USP45: variants seen among roughly 807,000 people sequenced by gnomAD.
USP45 encodes the protein ubiquitin carboxyl-terminal hydrolase 45.
USP45 carries 89 observed loss-of-function variants against 95.8 expected under a neutral mutation model. That is an observed-to-expected ratio of 0.93 (90% CI 0.78 to 1.11). USP45 has a LOEUF of 1.11. Ranked by LOEUF, USP45 falls within the 50% of genes least tolerant of loss-of-function variation. The pLI, the probability that USP45 is intolerant of heterozygous loss-of-function variation, is 0.00. For missense variants in USP45, 898 were observed against 942.5 expected (o/e 0.95, Z 0.62); for synonymous variants, 281 against 316.2 (o/e 0.89, Z 1.18).
At chr6:99,516,172 C>T (rs1438802255), upstream of USP45, among the ~76,000 whole-genome samples, 4 of 152,008 alleles carry the variant, frequency 2.6e-5, no homozygotes, top group Non-Finnish European at 5.9e-5. Context: ...TGTTGTCTTA[C>T]CTATCCTTCT....
chr6:99,501,679 T>C, intron 5 of USP45: 1 of 166,080 alleles, frequency 6.0e-6, no homozygotes, highest in Admixed American at 6.1e-5. Flanking sequence ...ATACCTGGCA[T>C]GTGGGAAGCA....
intron 5 of USP45, 41 bp downstream of exon 5, chr6:99,503,724 T>C: frequency 1.5e-6 from 2 of 1,313,744 alleles, no homozygotes; most frequent in Non-Finnish European, 2.1e-6. Context: ...TATGAAATAC[T>C]GTATTTTAAC....
intron 8 of USP45, among the ~76,000 whole-genome samples, chr6:99,481,378 C>T (rs1382339529): frequency 6.6e-6 from 1 of 152,034 alleles, no homozygotes; most frequent in Non-Finnish European, 1.5e-5. Flanking sequence ...TATGAGTGCC[C>T]ATTATTTTAA....
At chr6:99,462,396 T>G (rs1028593287) in intron 13 of USP45, 4 of 984,080 alleles carry the variant, frequency 4.1e-6, no homozygotes, top group Middle Eastern at 5.2e-4. Flanking sequence ...CTTTGGCCAG[T>G]ACCACAGAAT....
In USP45 at chr6:99,434,119, AAAAC is replaced by A. The variant is rs571814822; in HGVS notation, c.*1593_*1596del. ...ATTATTTCACTGTTAAAAATCAAGA[AAAAC>A]ACTACTAACATTTCAACATCTTAAA... is the stretch of plus-strand genomic sequence containing the variant. On this transcript the variant is annotated 3_prime_UTR_variant, in exon 18 of 18. Transcript: ENST00000500704. The A allele has an allele frequency of 1.5e-3, 223 of 152,342 alleles. 1 individual carries two copies. Among genetic ancestry groups the A allele is most frequent in the Non-Finnish European group, 2.4e-3 (165 of 68,016 alleles). 9.4% of individuals were successfully genotyped at this position (152,342 alleles called of 1,614,324 possible).
chr6:99,487,556 G>A (rs139332905), intron 7 of USP45, among the ~76,000 whole-genome samples: 4,811 of 151,118 alleles, frequency 0.032, 247 homozygotes, highest in African/African-American at 0.11. Flanking sequence ...TTGGGAGGCC[G>A]AGGCGGGTGG....
intron 5 of USP45, among the ~76,000 whole-genome samples, chr6:99,499,764 C>T (rs973464393): frequency 1.3e-5 from 2 of 152,210 alleles, no homozygotes; most frequent in African/African-American, 4.8e-5. Context: ...TCATCTTCAC[C>T]TGCCCAAAGT....
chr6:99,481,374 T>C (rs1319354335), intron 8 of USP45, among the ~76,000 whole-genome samples: 1 of 152,190 alleles, frequency 6.6e-6, no homozygotes, highest in Non-Finnish European at 1.5e-5. Flanking sequence ...TATCTATGAG[T>C]GCCCATTATT....
At chr6:99,439,467 C>T (rs980334811) in intron 16 of USP45, among the ~76,000 whole-genome samples, 1 of 152,154 alleles carries the variant, frequency 6.6e-6, no homozygotes, top group Non-Finnish European at 1.5e-5. Context: ...AAGGAACAAT[C>T]GAGGACACAA....
Position 99,478,051 on chromosome 6 carries a change from G to A in USP45, c.846-1821C>T, listed in dbSNP as rs180774588. 8.0e-4 allele frequency among the ~76,000 whole-genome samples: 122 copies of A among 152,262 alleles called. 1 individual carries two copies. The East Asian group carries it at 0.022, about 27-fold the overall frequency. ...TCTTCACTAGCCAAGTGGTAGGTAG[G>A]AGGAGGGGGCAGTTTATGGCTTTCA... On this transcript the variant is annotated intron_variant, in intron 8 of 17. Transcript: ENST00000500704.
Position 99,488,680 on chromosome 6 carries a change from C to T in USP45, c.618+1G>A, listed in dbSNP as rs1264360961. 1 of 1,597,240 alleles carries T rather than the reference C, an allele frequency of 6.3e-7. No individual in the cohort carries two copies. The highest frequency in any genetic ancestry group is 1.1e-5 in the South Asian group (1 of 87,462). ...TTACAAAGCTTTCTGATGACTCTTA[C>T]CTGCATGACTGCATTAAAAAAGCAA... is the stretch of plus-strand genomic sequence containing the variant. On this transcript the variant is annotated splice_donor_variant, in intron 6 of 17. Coordinates refer to ENST00000500704, the MANE Select transcript of USP45 (RefSeq NM_001346022.3). LOFTEE classifies it high-confidence loss of function.
Position 99,435,812 on chromosome 6 carries a change from C to G in USP45, c.2349G>C (p.Gln783His), listed in dbSNP as rs768428664. Reference protein sequence around the residue: ...LKAADNESAGQWVHVSDTYLQ... With the variant: ...LKAADNESAGHWVHVSDTYLQ... ...AGTAAGTGTCACTAACATGGACCCA[C>G]TGGCCTGCTGATTCATTATCAGCCG... The change falls in exon 18 of 18, where the codon CAG (glutamine) becomes CAC (histidine). Residue 783 changes from glutamine to histidine, a missense_variant. Gln to His is a conservative substitution (Grantham distance 24). Coordinates refer to ENST00000500704, the MANE Select transcript of USP45 (RefSeq NM_001346022.3). 1.2e-5 allele frequency: 19 copies of G among 1,613,270 alleles called. No individual in the cohort carries two copies. The highest frequency in any genetic ancestry group is 1.6e-5 in the Non-Finnish European group (19 of 1,179,674).
At chr6:99,468,339 C>A (rs1373376581) in intron 10 of USP45, among the ~76,000 whole-genome samples, 198 bp downstream of exon 10, 1 of 152,016 alleles carries the variant, frequency 6.6e-6, no homozygotes, top group Non-Finnish European at 1.5e-5. Flanking sequence ...TAGCTTTATT[C>A]TTATAAATTC....
intron 8 of USP45, 149 bp from the exon 9 acceptor site, chr6:99,476,379 G>C (rs939518905): frequency 3.9e-5 from 28 of 719,892 alleles, no homozygotes; most frequent in Non-Finnish European, 6.2e-5. Context: ...AGGCCAAGGG[G>C]CAGATCACTT....
intron 13 of USP45, among the ~76,000 whole-genome samples, chr6:99,448,720 A>G (rs999723284): frequency 3.9e-5 from 6 of 152,186 alleles, no homozygotes; most frequent in Admixed American, 2.0e-4. Context: ...AAAACACATA[A>G]TTGTCAGATT....
rs138221261 is a variant in USP45 at position 99,508,698 on chromosome 6, C to A, written c.185G>T (p.Cys62Phe). The A allele has an allele frequency of 2.1e-4, 346 of 1,613,598 alleles. No individual in the cohort carries two copies. The highest frequency in any genetic ancestry group is 2.8e-4 in the Non-Finnish European group (328 of 1,179,854). The change falls in exon 3 of 18, where the codon TGC becomes TTC. Residue 62 changes from cysteine (C) to phenylalanine (F), a missense_variant. Coordinates refer to ENST00000500704, the MANE Select transcript of USP45 (RefSeq NM_001346022.3). ...TCTTCTTTCTTTTAAACATTCTGAG[C>A]AAACTGACCACAGATTCTCAGCTAT... ...RAIAENLWSV[C>F]SECLKERRFY...
At chr6:99,456,134 GAAAAAAAAAAA>G (rs71021737) in intron 13 of USP45, among the ~76,000 whole-genome samples, 8 of 89,534 alleles carry the variant, frequency 8.9e-5, no homozygotes, top group African/African-American at 3.7e-4. Context: ...CTCTGTCTCG[GAAAAAAAAAAA>G]AAAAAAAAAA....
rs377626450 is a variant in USP45 at position 99,496,171 on chromosome 6, A to G, written c.479-7351T>C. Among the ~76,000 whole-genome samples the G allele has an allele frequency of 2.0e-5, 3 of 152,238 alleles. No homozygotes were observed. In the East Asian group the frequency reaches 5.8e-4, roughly 29 times the overall value. On this transcript the variant is annotated intron_variant, in intron 5 of 17. Transcript: ENST00000500704. The stretch of plus-strand genomic sequence containing the variant: ...AAAAAACAGACAAAAATAAATAGAG[A>G]TAGGGTCATGTTATGTTGTCTATGC...
intron 13 of USP45, among the ~76,000 whole-genome samples, chr6:99,457,985 T>G (rs1785462055): frequency 6.6e-6 from 1 of 152,172 alleles, no homozygotes; most frequent in Non-Finnish European, 1.5e-5. Flanking sequence ...GAGCAGTGCG[T>G]AGCCCACAGT....
Sources: allele counts gnomAD v4.1 joint callset (sites outside exome capture counted in the v4.1 genomes callset), GRCh38; gene constraint gnomAD v4.1.1; transcripts MANE v1.5; gene names NCBI Gene and HGNC (gene_info 2026-07-23, HGNC 2026-07-21).